RHEB: variants seen among roughly 807,000 people sequenced by gnomAD.
RHEB encodes the protein GTP-binding protein Rheb.
Under a neutral mutation model 28.8 loss-of-function variants are expected in RHEB, and 2 were observed. That is an observed-to-expected ratio of 0.07 (90% CI 0.03 to 0.22). The LOEUF (loss-of-function observed/expected upper bound fraction) is 0.22. Among genes scored for constraint, RHEB ranks in the 10% least tolerant of loss-of-function variants. The probability of loss-of-function intolerance (pLI) is 1.00; values close to 1 mark genes in which losing one functional copy is unlikely to be tolerated. For missense variants in RHEB, 76 were observed against 219.9 expected (o/e 0.35, Z 4.14); for synonymous variants, 69 against 77.3 (o/e 0.89, Z 0.56).
intron 1 of RHEB, among the ~76,000 whole-genome samples, chr7:151,493,700 GC>G (rs1290663025): frequency 6.6e-6 from 1 of 152,200 alleles, no homozygotes; most frequent in Non-Finnish European, 1.5e-5. Context: ...TCACAGGCTT[GC>G]CTGTGATATA....
At chr7:151,518,368 T>C (rs56984257) in intron 1 of RHEB, among the ~76,000 whole-genome samples, 3,897 of 152,190 alleles carry the variant, frequency 0.026, 154 homozygotes, top group African/African-American at 0.087. Flanking sequence ...CCATGACAGA[T>C]AGTCACCCCG....
chr7:151,490,827 CA>C, intron 2 of RHEB, 115 bp downstream of exon 2: 1 of 821,172 alleles, frequency 1.2e-6, no homozygotes, highest in African/African-American at 1.7e-5. Flanking sequence ...TCTTTGACCC[CA>C]ATTGGGAGAC....
rs1802179617 is a variant in RHEB, at chr7:151,472,481, G to A, written c.276-876C>T. ...TCAAGCCGCAAACTTCTGACCTCGT[G>A]ATCCGCCTGCCTCGGCCTCCCAAAG... On this transcript the variant is annotated intron_variant, in intron 4 of 7. Coordinates refer to ENST00000262187, the MANE Select transcript of RHEB (RefSeq NM_005614.4). The surrounding 1 kb of genome is among the most constrained non-coding windows in gnomAD (Gnocchi z 5.2). Among the ~76,000 whole-genome samples, 1 of 152,188 alleles carries A rather than the reference G, an allele frequency of 6.6e-6. No individual in the cohort carries two copies. The highest frequency in any genetic ancestry group is 1.5e-5 in the Non-Finnish European group (1 of 68,052).
intron 1 of RHEB, chr7:151,517,896 T>C (rs1327065813): frequency 6.6e-6 from 1 of 152,154 alleles, no homozygotes; most frequent in Non-Finnish European, 1.5e-5. Context: ...CTTACTTGAC[T>C]GACTAGGGAA....
intron 1 of RHEB, chr7:151,502,877 A>G (rs1234709301): frequency 7.2e-5 from 62 of 855,374 alleles, no homozygotes; most frequent in Admixed American, 6.7e-4. Context: ...TCAATCTGAT[A>G]TGTTTGATCA....
chr7:151,505,992 C>T (rs534388815), intron 1 of RHEB, among the ~76,000 whole-genome samples: 2 of 152,018 alleles, frequency 1.3e-5, no homozygotes, highest in South Asian at 2.1e-4. Context: ...TGGGGTAGGG[C>T]GTGAGGGACA....
intron 2 of RHEB, among the ~76,000 whole-genome samples, chr7:151,485,387 A>T (rs1802452702): frequency 6.6e-6 from 1 of 152,262 alleles, no homozygotes; most frequent in Non-Finnish European, 1.5e-5. Context: ...GGGAGGAAAG[A>T]AAATCAGACT....
At chr7:151,500,503 G>C (rs917826777) in intron 1 of RHEB, among the ~76,000 whole-genome samples, 1 of 152,020 alleles carries the variant, frequency 6.6e-6, no homozygotes, top group Admixed American at 6.6e-5. Flanking sequence ...AACAAAGAAC[G>C]GTCTTTTTCA....
chr7:151,478,178 A>G (rs1802304074), intron 3 of RHEB, among the ~76,000 whole-genome samples: 1 of 152,240 alleles, frequency 6.6e-6, no homozygotes, highest in Non-Finnish European at 1.5e-5. Context: ...AGTTTTCAAC[A>G]GCACGCGCCA....
intron 1 of RHEB, among the ~76,000 whole-genome samples, chr7:151,516,311 A>C (rs1803076827): frequency 6.6e-6 from 1 of 152,140 alleles, no homozygotes; most frequent in African/African-American, 2.4e-5. Flanking sequence ...CTCAAAAAAA[A>C]AGAAAAAAAG....
intron 1 of RHEB, among the ~76,000 whole-genome samples, chr7:151,499,302 G>T (rs1165072367): frequency 6.6e-6 from 1 of 152,178 alleles, no homozygotes; most frequent in East Asian, 1.9e-4. Flanking sequence ...AGGTTGCAGT[G>T]AGCCAAGATC....
chr7:151,509,709 TG>T (rs1320649023), intron 1 of RHEB, among the ~76,000 whole-genome samples: 1 of 152,246 alleles, frequency 6.6e-6, no homozygotes, highest in Non-Finnish European at 1.5e-5. Context: ...GTTTTGGTTT[TG>T]TACAGTCTAT....
At chr7:151,502,335 T>C in intron 1 of RHEB, 1 of 826,290 alleles carries the variant, frequency 1.2e-6, no homozygotes, top group Non-Finnish European at 2.1e-6. Flanking sequence ...GTGGCAAAAA[T>C]GTTATCAGAT....
At position 151,510,098 on chromosome 7, in the gene RHEB, C is replaced by T. The variant is rs9918573; in HGVS notation, c.52+9362G>A. ...AGCAGACAAAACTGTTCTTGAAGGA[C>T]AGTTGGCAAACACATGAGTCCCGAC... is the stretch of plus-strand genomic sequence containing the variant. On this transcript the variant is annotated intron_variant, in intron 1 of 7. Transcript: ENST00000262187. Among the ~76,000 whole-genome samples, 917 of 152,318 alleles carry T rather than the reference C, an allele frequency of 6.0e-3. 7 individuals carry two copies. Among genetic ancestry groups the T allele is most frequent in the African/African-American group, 0.021 (859 of 41,560 alleles).
At chr7:151,514,755 A>G (rs1803046009) in intron 1 of RHEB, among the ~76,000 whole-genome samples, 1 of 152,182 alleles carries the variant, frequency 6.6e-6, no homozygotes, top group Non-Finnish European at 1.5e-5. Context: ...GCCAGAAAGT[A>G]GAGCTCCAAG....
rs17173153 is a variant in RHEB, at chr7:151,477,222, G to A, written c.275+111C>T. ...CCACGAGAAAATCACTAAAAAACAT[G>A]TAGCCTAATAATTCTAATTGTCACT... On this transcript the variant is annotated intron_variant, in intron 4 of 7. Transcript: ENST00000262187. 3.0e-3 allele frequency: 2,206 copies of A among 738,720 alleles called. 40 individuals are homozygous for A. The African/African-American group carries it at 0.035, about 12-fold the overall frequency. 45.8% of individuals were successfully genotyped at this position (738,720 alleles called of 1,614,324 possible). A position where few individuals can be genotyped will look rare whatever the true frequency, so the allele number is the denominator to read the frequency against.
At chr7:151,469,963 G>C (rs1342270671) in intron 7 of RHEB, among the ~76,000 whole-genome samples, 4 of 152,154 alleles carry the variant, frequency 2.6e-5, no homozygotes, top group Admixed American at 6.5e-5. Context: ...AAATGCACTG[G>C]GGGCGGGAGA....
chr7:151,503,329 A>G, intron 1 of RHEB: 2 of 850,020 alleles, frequency 2.4e-6, no homozygotes, highest in Non-Finnish European at 4.1e-6. Flanking sequence ...GGAAATGATC[A>G]CAGATAAAAT....
At chr7:151,503,397 C>T in intron 1 of RHEB, 1 of 1,136,272 alleles carries the variant, frequency 8.8e-7, no homozygotes, top group Non-Finnish European at 1.3e-6. Flanking sequence ...TCCTGCAGTA[C>T]CGAGTAGATT....
Sources: gnomAD v4.1 joint callset for allele counts (sites outside exome capture counted in the v4.1 genomes callset) on GRCh38, gnomAD v4.1.1 for gene constraint, Gnocchi (gnomAD v3.1) non-coding constraint, MANE v1.5 for transcripts, NCBI Gene and HGNC (gene_info 2026-07-23, HGNC 2026-07-21) for gene names.